The following DCP2 variants were observed in gnomAD, a reference collection of about 807,000 sequenced individuals.
DCP2 encodes decapping mRNA 2.
DCP2 carries 30 observed loss-of-function variants against 56.1 expected under a neutral mutation model. The ratio of observed to expected loss-of-function variants is 0.53; its 90% CI spans 0.40 to 0.73. DCP2 has a LOEUF of 0.73. DCP2 is among the 30% of genes least tolerant of loss of function. DCP2 has a pLI of 0.00. For synonymous variants in DCP2, 197 were observed against 163.3 expected (o/e 1.21, Z -1.57); for missense variants, 533 against 502.7 (o/e 1.06, Z -0.58).
At position 113,019,129 on chromosome 5, in the gene DCP2, A is replaced by G. The variant is rs1159504427; in HGVS notation, c.*5645A>G. On this transcript the variant is annotated 3_prime_UTR_variant, in exon 11 of 11. Transcript: ENST00000389063. The stretch of plus-strand genomic sequence containing the variant: ...TTCTCCTTTTAGTTCATTGAATCTG[A>G]GGTTCTAAATCTGTAGCTTCATTTT... 6.6e-6 allele frequency: 1 copy of G among 152,176 alleles called. No homozygotes were observed. The highest frequency in any genetic ancestry group is 1.5e-5 in the Non-Finnish European group (1 of 68,036). The allele number at this position is 152,176 out of a possible 1,614,324, so 9.4% of individuals were successfully genotyped here.
chr5:113,010,848 G>A (rs369747094), intron 10 of DCP2, 41 bp downstream of exon 10: 14 of 1,575,000 alleles, frequency 8.9e-6, no homozygotes, highest in Non-Finnish European at 1.2e-5. Context: ...TGCCTTGTGG[G>A]ATTTGGTTTG....
intron 9 of DCP2, among the ~76,000 whole-genome samples, chr5:113,009,968 A>G (rs1258371071): frequency 6.8e-6 from 1 of 147,888 alleles, no homozygotes; most frequent in East Asian, 2.0e-4. Flanking sequence ...TCTAGAGTAC[A>G]ATGGCACGTA....
intron 1 of DCP2, 138 bp from the exon 2 acceptor site, chr5:112,985,697 T>A: frequency 1.2e-6 from 1 of 852,434 alleles, no homozygotes; most frequent in South Asian, 2.3e-5. Context: ...TTCTCTCAAA[T>A]ATTAATTGCT....
At position 112,984,701 on chromosome 5, in the gene DCP2, AAAAT is replaced by A. The variant is rs1196878100; in HGVS notation, c.54-1132_54-1129del. On this transcript the variant is annotated intron_variant, in intron 1 of 10. Coordinates refer to ENST00000389063, the MANE Select transcript of DCP2 (RefSeq NM_152624.6). ...ATTTCTTAATTAAAAAAAAAAAAAAAAAATATATATATATATATATATATTTGAG... is the reference window on the plus strand; with the variant it reads ...ATTTCTTAATTAAAAAAAAAAAAAAAATATATATATATATATATATTTGAG... 4.3e-4 allele frequency: 34 copies of A among 79,560 alleles called. 1 individual carries two copies. The highest frequency in any genetic ancestry group is 1.9e-3 in the African/African-American group (30 of 15,728). 4.9% of individuals were successfully genotyped at this position (79,560 alleles called of 1,614,324 possible).
chr5:112,994,163 CTTTT>C (rs771514208), intron 4 of DCP2, among the ~76,000 whole-genome samples: 2 of 75,178 alleles, frequency 2.7e-5, no homozygotes, highest in African/African-American at 5.2e-5. Flanking sequence ...TTTTTTCTTT[CTTTT>C]TTTTTTTTTT....
At chr5:112,995,532 C>T (rs1748808662) in intron 4 of DCP2, among the ~76,000 whole-genome samples, 1 of 152,118 alleles carries the variant, frequency 6.6e-6, no homozygotes, top group Non-Finnish European at 1.5e-5. Flanking sequence ...CAAAACAGTT[C>T]CATTTTAGGT....
At chr5:112,982,129 A>G (rs573614395) in intron 1 of DCP2, among the ~76,000 whole-genome samples, 1 of 152,156 alleles carries the variant, frequency 6.6e-6, no homozygotes, top group East Asian at 1.9e-4. Context: ...TTTCTGTTCT[A>G]ACTTTGGTGT....
chr5:113,010,814 C>A lies in DCP2; in HGVS notation c.1099+7C>A. 1 of 1,597,432 alleles carries A rather than the reference C, an allele frequency of 6.3e-7. No individual in the cohort carries two copies. Among genetic ancestry groups the A allele is most frequent in the Non-Finnish European group, 8.5e-7 (1 of 1,175,374 alleles). ...CAGGATAATTTTGAAACAGGCAAGT[C>A]ATTTCCTATCTTTTTATAATCTCTG... On this transcript the variant is annotated splice_region_variant and intron_variant, in intron 10 of 10. Coordinates refer to ENST00000389063, the MANE Select transcript of DCP2 (RefSeq NM_152624.6).
chr5:113,010,561 T>TA (rs1295470420), intron 9 of DCP2, among the ~76,000 whole-genome samples, 195 bp from the exon 10 acceptor site: 3 of 152,050 alleles, frequency 2.0e-5, no homozygotes, highest in Non-Finnish European at 4.4e-5. Context: ...AATCAAGAAC[T>TA]AAAAAAAATT....
chr5:112,992,875 A>G, intron 4 of DCP2, 105 bp downstream of exon 4: 1 of 680,180 alleles, frequency 1.5e-6, no homozygotes, highest in South Asian at 3.8e-5. Flanking sequence ...AACCCTTTCC[A>G]GAACTTGAGT....
intron 4 of DCP2, among the ~76,000 whole-genome samples, chr5:113,000,531 GTTAAAA>G (rs1749128732): frequency 6.6e-6 from 1 of 151,992 alleles, no homozygotes; most frequent in African/African-American, 2.4e-5. Context: ...AGCCTTAATT[GTTAAAA>G]TTATAAATCC....
rs1750101227 is a variant in DCP2, at chr5:113,021,079, A to G, written c.*7595A>G. On this transcript the variant is annotated 3_prime_UTR_variant, in exon 11 of 11. Transcript: ENST00000389063. ...AGTATGAGATGAACATGATAAAAGT[A>G]TGTTTATATAACAGGAAGAAGCTGG... The G allele has an allele frequency of 6.6e-6, 1 of 152,192 alleles. No individual in the cohort carries two copies. 9.4% of individuals were successfully genotyped at this position (152,192 alleles called of 1,614,324 possible).
At chr5:113,000,394 T>C (rs1009019383) in intron 4 of DCP2, among the ~76,000 whole-genome samples, 15 of 104,650 alleles carry the variant, frequency 1.4e-4, no homozygotes, top group Non-Finnish European at 2.8e-4. Context: ...CAATTACTTG[T>C]CTAATACACA....
chr5:112,986,348 T>G (rs1025753313), intron 2 of DCP2, among the ~76,000 whole-genome samples: 1 of 152,032 alleles, frequency 6.6e-6, no homozygotes, highest in African/African-American at 2.4e-5. Context: ...TTTCTTTTTT[T>G]TTTTTAAGAG....
chr5:112,988,989 AAG>A (rs1748442641), intron 2 of DCP2, among the ~76,000 whole-genome samples: 1 of 152,216 alleles, frequency 6.6e-6, no homozygotes, highest in Admixed American at 6.5e-5. Flanking sequence ...TTAGTTAACT[AAG>A]AATAGCTACA....
intron 4 of DCP2, among the ~76,000 whole-genome samples, chr5:112,995,730 G>A (rs1310477370): frequency 2.6e-5 from 4 of 152,192 alleles, no homozygotes; most frequent in African/African-American, 9.6e-5. Context: ...GATTTTTAAA[G>A]GCAAGTTTGA....
In DCP2 at chr5:113,010,760, G is replaced by C; in HGVS notation, c.1052G>C (p.Cys351Ser). The change falls in exon 10 of 11, where the codon TGT becomes TCT. Residue 351 changes from cysteine to serine, a missense_variant. Around this residue, in one of 3 missense-constraint regions of DCP2, gnomAD observed 392 missense variants for 346.6 expected, o/e 1.13. Transcript: ENST00000389063. ...GTTTTTTTTTTTTTTAAATAGAAGT[G>C]TGAAAAGAAACTTCATCCACGGAAA... Reference protein sequence around the residue: ...PAKQQNSLMKCEKKLHPRKLQ... With the variant: ...PAKQQNSLMKSEKKLHPRKLQ... 3 of 1,579,732 alleles carry C rather than the reference G, an allele frequency of 1.9e-6. No homozygotes were observed. Among genetic ancestry groups the C allele is most frequent in the South Asian group, 1.2e-5 (1 of 85,666 alleles).
chr5:113,002,917 A>AT (rs1467708835), intron 7 of DCP2, among the ~76,000 whole-genome samples: 1 of 152,226 alleles, frequency 6.6e-6, no homozygotes, highest in Non-Finnish European at 1.5e-5. Context: ...CATAATATAT[A>AT]TTTTAAGCAT....
rs781087202 is a variant in DCP2 at position 112,976,841 on chromosome 5, C to T, written c.-93C>T. The T allele has an allele frequency of 7.3e-7, 1 of 1,374,852 alleles. No homozygotes were observed. Among genetic ancestry groups the T allele is most frequent in the Non-Finnish European group, 1.0e-6 (1 of 961,748 alleles). 85.2% of individuals were successfully genotyped at this position (1,374,852 alleles called of 1,614,324 possible). ...GTCTCTGCCGCGGCTTCCTCGGCTG[C>T]CAGCTCTCCGGCGAGCCGGAGTCCT... On this transcript the variant is annotated 5_prime_UTR_variant, in exon 1 of 11. Coordinates refer to ENST00000389063, the MANE Select transcript of DCP2 (RefSeq NM_152624.6).
Sources: allele counts gnomAD v4.1 joint callset (sites outside exome capture counted in the v4.1 genomes callset), GRCh38; gene constraint gnomAD v4.1.1; regional missense constraint gnomAD v4.1.1; transcripts MANE v1.5; gene names NCBI Gene and HGNC (gene_info 2026-07-23, HGNC 2026-07-21).